Variants in EXT1 observed in about 807,000 individuals in gnomAD.
The protein encoded by EXT1 is exostosin glycosyltransferase 1.
In EXT1, 20 loss-of-function variants were observed where a neutral mutation model predicts 82.5. The observed-to-expected ratio is 0.24, with a 90% CI of 0.17 to 0.35. EXT1 has a LOEUF of 0.35. Ranked by LOEUF, EXT1 falls within the 10% of genes least tolerant of loss-of-function variation. The pLI is 1.00. For synonymous variants in EXT1, 348 were observed against 350.8 expected (o/e 0.99, Z 0.09); for missense variants, 757 against 936.5 (o/e 0.81, Z 2.50).
At chr8:117,851,616 G>GACACAC (rs35686154) in intron 1 of EXT1, among the ~76,000 whole-genome samples, 17,643 of 147,864 alleles carry the variant, frequency 0.12, 1,207 homozygotes, top group Middle Eastern at 0.17. Flanking sequence ...AATTTAGCTG[G>GACACAC]ACACACACAC....
At chr8:118,090,867 G>A (rs1166535226) in intron 1 of EXT1, among the ~76,000 whole-genome samples, 1 of 145,810 alleles carries the variant, frequency 6.9e-6, no homozygotes, top group Non-Finnish European at 1.5e-5. Context: ...TGTATACACA[G>A]GTTTATACTA....
intron 1 of EXT1, among the ~76,000 whole-genome samples, chr8:117,983,444 A>T (rs1815248613): frequency 6.6e-6 from 1 of 152,178 alleles, no homozygotes; most frequent in African/African-American, 2.4e-5. Context: ...TGTTCACACC[A>T]CTGCACTCCA....
At chr8:118,026,320 G>A (rs1816201218) in intron 1 of EXT1, among the ~76,000 whole-genome samples, 2 of 152,200 alleles carry the variant, frequency 1.3e-5, no homozygotes, top group Admixed American at 1.3e-4. Context: ...GAAAGGCTCA[G>A]GTTATTATTT....
intron 1 of EXT1, among the ~76,000 whole-genome samples, chr8:117,842,329 G>A (rs527507330): frequency 2.6e-5 from 4 of 152,240 alleles, no homozygotes; most frequent in East Asian, 1.9e-4. Flanking sequence ...ACCAAAGCAC[G>A]AGCATATTAT....
intron 9 of EXT1, among the ~76,000 whole-genome samples, chr8:117,807,005 T>C (rs1434580870): frequency 6.6e-6 from 1 of 152,150 alleles, no homozygotes; most frequent in Admixed American, 6.5e-5. Flanking sequence ...CAACTGAAAA[T>C]GTTACTCTAC....
chr8:117,928,791 A>G (rs141887149), intron 1 of EXT1, among the ~76,000 whole-genome samples: 39 of 152,246 alleles, frequency 2.6e-4, no homozygotes, highest in African/African-American at 7.7e-4. Context: ...TGAAACCACT[A>G]CACTACAGAG....
chr8:117,992,045 A>G (rs1815445388), intron 1 of EXT1, among the ~76,000 whole-genome samples: 1 of 152,174 alleles, frequency 6.6e-6, no homozygotes, highest in Non-Finnish European at 1.5e-5. Context: ...CTTACATGTT[A>G]TTCCTGACCA....
At chr8:118,018,863 C>G (rs1816049534) in intron 1 of EXT1, among the ~76,000 whole-genome samples, 1 of 152,142 alleles carries the variant, frequency 6.6e-6, no homozygotes, top group Non-Finnish European at 1.5e-5. Flanking sequence ...AAAGAAAACA[C>G]AACCTGGTTT....
At chr8:117,870,120 GA>G (rs951377970) in intron 1 of EXT1, among the ~76,000 whole-genome samples, 18 of 152,148 alleles carry the variant, frequency 1.2e-4, no homozygotes, top group Non-Finnish European at 2.4e-4. Context: ...TTAGGAAAAT[GA>G]AAAAACTTCA....
intron 1 of EXT1, among the ~76,000 whole-genome samples, chr8:117,859,536 C>CA (rs1563582550): frequency 6.6e-6 from 1 of 152,162 alleles, no homozygotes; most frequent in Non-Finnish European, 1.5e-5. Flanking sequence ...AAAGGTATAA[C>CA]ACACCCAACT....
rs148876787 is a variant in EXT1, at chr8:118,085,240, G to A, written c.962+24845C>T. Among the ~76,000 whole-genome samples, 1,209 of 152,310 alleles carry A rather than the reference G, an allele frequency of 7.9e-3. 10 individuals are homozygous for A. The highest frequency in any genetic ancestry group is 0.013 in the Non-Finnish European group (869 of 68,016). The stretch of plus-strand genomic sequence containing the variant: ...ATAACCTATTTGCTACAGCCTTGGT[G>A]TCTGTCCTCTCTCCCATGGGAACAA... On this transcript the variant is annotated intron_variant, in intron 1 of 10. Transcript: ENST00000378204.
chr8:118,097,869 C>T (rs1817648783), intron 1 of EXT1, among the ~76,000 whole-genome samples: 1 of 152,284 alleles, frequency 6.6e-6, no homozygotes, highest in African/African-American at 2.4e-5. Flanking sequence ...TGGAAAACCA[C>T]AGCTGGGTGT....
intron 1 of EXT1, among the ~76,000 whole-genome samples, chr8:117,873,828 T>A (rs2129901012): frequency 6.6e-6 from 1 of 152,320 alleles, no homozygotes; most frequent in South Asian, 2.1e-4. Context: ...ATTTTCAACA[T>A]TCATATAAAA....
intron 7 of EXT1, among the ~76,000 whole-genome samples, chr8:117,815,792 T>G (rs1811800308): frequency 6.6e-6 from 1 of 151,938 alleles, no homozygotes; most frequent in African/African-American, 2.4e-5. Flanking sequence ...TAGCCAGGCT[T>G]GGTGGCGCAT....
intron 1 of EXT1, among the ~76,000 whole-genome samples, chr8:117,884,774 G>A (rs1410331976): frequency 6.6e-6 from 1 of 152,148 alleles, no homozygotes; most frequent in Admixed American, 6.6e-5. Context: ...GTTGGGAAAG[G>A]GGTGGGTATA....
intron 1 of EXT1, among the ~76,000 whole-genome samples, chr8:117,981,365 T>G (rs1229762814): frequency 6.6e-6 from 1 of 152,206 alleles, no homozygotes. Flanking sequence ...AGTAAGGTTG[T>G]TCCAAGAATA....
At chr8:118,094,249 T>C (rs961028666) in intron 1 of EXT1, among the ~76,000 whole-genome samples, 7 of 152,222 alleles carry the variant, frequency 4.6e-5, no homozygotes, top group Non-Finnish European at 1.0e-4. Flanking sequence ...CACAAAGTCA[T>C]ATTAATGATT....
At chr8:117,875,755 T>C (rs1483251492) in intron 1 of EXT1, among the ~76,000 whole-genome samples, 2 of 151,954 alleles carry the variant, frequency 1.3e-5, no homozygotes, top group African/African-American at 4.8e-5. Context: ...GAGAAGAATA[T>C]AAAGAAAAGC....
intron 1 of EXT1, among the ~76,000 whole-genome samples, chr8:117,867,547 C>T (rs986654099): frequency 2.0e-4 from 30 of 152,148 alleles, no homozygotes; most frequent in Admixed American, 5.9e-4. Flanking sequence ...CTCCACCAAA[C>T]AGCAAATGGT....
Sources: allele counts gnomAD v4.1 joint callset (sites outside exome capture counted in the v4.1 genomes callset), GRCh38; gene constraint gnomAD v4.1.1; transcripts MANE v1.5; gene names NCBI Gene and HGNC (gene_info 2026-07-23, HGNC 2026-07-21).